The following GABRG3 variants were observed in gnomAD, a reference collection of about 807,000 sequenced individuals.
The protein encoded by GABRG3 is gamma-aminobutyric acid type A receptor subunit gamma3, also known as gamma-aminobutyric acid receptor subunit gamma-3.
A neutral mutation model predicts 48.8 loss-of-function variants in GABRG3; 25 were observed. The observed-to-expected ratio is 0.51, with a 90% CI of 0.37 to 0.72. The LOEUF is 0.72. Among genes scored for constraint, GABRG3 ranks in the 30% least tolerant of loss-of-function variants. The pLI is 0.00. For synonymous variants in GABRG3, 227 were observed against 217.6 expected, an observed-to-expected ratio of 1.04 and a Z score of -0.38; for missense variants, 394 against 577.9, an observed-to-expected ratio of 0.68 and a Z score of 3.26.
intron 3 of GABRG3, among the ~76,000 whole-genome samples, chr15:27,284,856 G>A (rs541780897): frequency 6.6e-6 from 1 of 152,204 alleles, no homozygotes; most frequent in East Asian, 1.9e-4. Flanking sequence ...CTGCTCAAGA[G>A]AGAAATCAAC....
chr15:27,310,449 T>C (rs150914671), intron 3 of GABRG3, among the ~76,000 whole-genome samples: 7 of 152,244 alleles, frequency 4.6e-5, no homozygotes, highest in African/African-American at 1.7e-4. Flanking sequence ...GAGTTAACTA[T>C]AAACCATTAA....
At chr15:27,528,029 A>C (rs1158301737) in intron 9 of GABRG3, 37 bp downstream of exon 9, 1 of 1,445,832 alleles carries the variant, frequency 6.9e-7, no homozygotes, top group Non-Finnish European at 9.6e-7. Context: ...ATTTCTGAGA[A>C]CTTTCACTAA....
intron 2 of GABRG3, among the ~76,000 whole-genome samples, chr15:26,999,046 C>T (rs1357278743): frequency 6.6e-6 from 1 of 151,728 alleles, no homozygotes; most frequent in Admixed American, 6.6e-5. Flanking sequence ...TCTGGGTTAA[C>T]CACTTTTTTG....
At chr15:27,376,483 G>A (rs542451920) in intron 5 of GABRG3, among the ~76,000 whole-genome samples, 14 of 152,318 alleles carry the variant, frequency 9.2e-5, no homozygotes, top group African/African-American at 3.1e-4. Context: ...GCAAACTTCT[G>A]CGTGGGCATC....
In GABRG3 at chr15:27,225,769, C is replaced by T. The variant is rs377033017; in HGVS notation, c.271-101040C>T. On this transcript the variant is annotated intron_variant, in intron 3 of 9. Transcript: ENST00000615808. Reference sequence around the variant, plus strand: ...GGTGCCCTCCACCTGCCCTGGTCTTCGAGAAGTCCTCCATCAGAATAGGGT... The same window carrying T: ...GGTGCCCTCCACCTGCCCTGGTCTTTGAGAAGTCCTCCATCAGAATAGGGT... Among the ~76,000 whole-genome samples the T allele has an allele frequency of 2.2e-3, 342 of 152,120 alleles. 2 individuals are homozygous for T. The highest frequency in any genetic ancestry group is 0.014 in the Middle Eastern group (4 of 294).
chr15:27,517,736 T>G (rs1026461190), intron 6 of GABRG3, among the ~76,000 whole-genome samples: 1 of 152,174 alleles, frequency 6.6e-6, no homozygotes, highest in Admixed American at 6.5e-5. Flanking sequence ...TGCCAAAAAT[T>G]AATAGACATT....
rs776315983 is a variant in GABRG3 at position 26,977,086 on chromosome 15, C to T, written c.138C>T (p.Asp46=). The T allele has an allele frequency of 1.9e-5, 31 of 1,613,738 alleles. No homozygotes were observed. The highest frequency in any genetic ancestry group is 7.7e-5 in the South Asian group (7 of 91,070). Reference sequence around the variant, plus strand: ...TGGCTCCAAAATCCCAAGACACCGACGTGACTCTTATTCTCAACAAGTTGC... The same window carrying T: ...TGGCTCCAAAATCCCAAGACACCGATGTGACTCTTATTCTCAACAAGTTGC... The part of the protein sequence containing the change: ...WVLAPKSQDT[D]VTLILNKLLR... The change falls in exon 2 of 10, where the codon GAC becomes GAT. Residue 46 remains aspartate (D), a synonymous_variant. Transcript: ENST00000615808.
In GABRG3 at chr15:27,456,184, C is replaced by G. The variant is rs374804722; in HGVS notation, c.575-24466C>G. 2.0e-5 allele frequency among the ~76,000 whole-genome samples: 3 copies of G among 152,314 alleles called. No homozygotes were observed. The East Asian group carries it at 5.8e-4, about 29-fold the overall frequency. On this transcript the variant is annotated intron_variant, in intron 5 of 9. Transcript: ENST00000615808. ...GGCCTCCCAGTGGTCACCTCCCTGC[C>G]TGCTTGGGCCTGGGCTGTCACATCT...
intron 5 of GABRG3, among the ~76,000 whole-genome samples, chr15:27,463,879 G>C (rs1460356035): frequency 6.6e-6 from 1 of 152,062 alleles, no homozygotes; most frequent in African/African-American, 2.4e-5. Flanking sequence ...CTTCTCTCAG[G>C]GAGTGGGCTC....
At chr15:27,110,542 A>AT (rs927447173) in intron 3 of GABRG3, among the ~76,000 whole-genome samples, 29 of 149,664 alleles carry the variant, frequency 1.9e-4, no homozygotes, top group Non-Finnish European at 3.0e-5. Context: ...TTTTTAACAT[A>AT]TTTTTTGTAG....
intron 5 of GABRG3, among the ~76,000 whole-genome samples, chr15:27,381,008 A>G (rs911987469): frequency 5.9e-5 from 9 of 151,470 alleles, no homozygotes; most frequent in East Asian, 1.9e-4. Flanking sequence ...CTCGTGATCC[A>G]CCCGCCTCGG....
intron 7 of GABRG3, among the ~76,000 whole-genome samples, chr15:27,526,388 AT>A (rs1891278440): frequency 6.6e-6 from 1 of 152,124 alleles, no homozygotes; most frequent in Non-Finnish European, 1.5e-5. Context: ...CGATGCAGAT[AT>A]TTTACTGTAG....
chr15:27,399,495 G>C (rs903646407), intron 5 of GABRG3, among the ~76,000 whole-genome samples: 3 of 152,114 alleles, frequency 2.0e-5, no homozygotes, highest in African/African-American at 2.4e-5. Flanking sequence ...GCTTTCCCCA[G>C]ACATACCTAG....
chr15:27,121,609 G>A (rs1897733349), intron 3 of GABRG3, among the ~76,000 whole-genome samples: 2 of 152,206 alleles, frequency 1.3e-5, no homozygotes, highest in Admixed American at 1.3e-4. Context: ...TCTAAATGCT[G>A]TGCCACCTAC....
chr15:27,170,781 A>G (rs1363605763), intron 3 of GABRG3, among the ~76,000 whole-genome samples: 3 of 152,174 alleles, frequency 2.0e-5, no homozygotes, highest in Non-Finnish European at 4.4e-5. Flanking sequence ...GGCAAGAAAT[A>G]TATGATCTCA....
chr15:27,508,469 A>G (rs74005026), intron 6 of GABRG3, among the ~76,000 whole-genome samples: 3,736 of 152,250 alleles, frequency 0.025, 155 homozygotes, highest in African/African-American at 0.085. Flanking sequence ...TTCTTATGCT[A>G]TAAACATAAA....
intron 3 of GABRG3, among the ~76,000 whole-genome samples, chr15:27,285,254 GGT>G (rs60880658): frequency 0.19 from 26,614 of 142,068 alleles, 2,845 homozygotes; most frequent in East Asian, 0.51. Flanking sequence ...TGAGCTTTCA[GGT>G]GTGTGTGTGT....
chr15:27,115,174 T>A (rs1320866283), intron 3 of GABRG3, among the ~76,000 whole-genome samples: 2 of 152,122 alleles, frequency 1.3e-5, no homozygotes, highest in African/African-American at 4.8e-5. Context: ...CAGGATTCTA[T>A]TGCTAAGAAG....
chr15:27,350,274 A>G (rs549767986), intron 5 of GABRG3: 11 of 440,986 alleles, frequency 2.5e-5, no homozygotes, highest in Non-Finnish European at 4.6e-5. Flanking sequence ...ATTTGCCTCC[A>G]TGGGGCCCAC....
Sources: gnomAD v4.1 joint callset for allele counts (sites outside exome capture counted in the v4.1 genomes callset) on GRCh38, gnomAD v4.1.1 for gene constraint, MANE v1.5 for transcripts, NCBI Gene and HGNC (gene_info 2026-07-23, HGNC 2026-07-21) for gene names.